SBF2: variants seen among roughly 807,000 people sequenced by gnomAD.
The protein encoded by SBF2 is myotubularin-related protein 13.
Under a neutral mutation model 225.2 loss-of-function variants are expected in SBF2, and 112 were observed. The ratio of observed to expected loss-of-function variants is 0.50; its 90% CI spans 0.43 to 0.58. The LOEUF (loss-of-function observed/expected upper bound fraction) is 0.58, where lower values mean the gene tolerates loss of function less well. Ranked by LOEUF, SBF2 falls within the 20% of genes least tolerant of loss-of-function variation. The pLI, the probability that SBF2 is intolerant of heterozygous loss-of-function variation, is 0.00. For synonymous variants in SBF2, 763 were observed against 773.3 expected, an observed-to-expected ratio of 0.99 and a Z score of 0.22; for missense variants, 1,996 against 2,206.2, an observed-to-expected ratio of 0.90 and a Z score of 1.91.
At chr11:10,225,259 G>T (rs1958494906) in intron 1 of SBF2, among the ~76,000 whole-genome samples, 1 of 151,532 alleles carries the variant, frequency 6.6e-6, no homozygotes, top group Non-Finnish European at 1.5e-5. Flanking sequence ...ACCAATTTGA[G>T]AATATTATTG....
chr11:10,011,985 T>C (rs1367613716), intron 6 of SBF2, among the ~76,000 whole-genome samples: 4 of 152,230 alleles, frequency 2.6e-5, no homozygotes. Context: ...ACCTAAAAGG[T>C]ATTATTGTCT....
At chr11:10,214,560 T>C (rs893309420) in intron 1 of SBF2, among the ~76,000 whole-genome samples, 1 of 151,944 alleles carries the variant, frequency 6.6e-6, no homozygotes, top group Non-Finnish European at 1.5e-5. Flanking sequence ...GAGGCGGAGG[T>C]TGCAGTGAGC....
chr11:10,003,890 C>T (rs1204157238), intron 6 of SBF2, among the ~76,000 whole-genome samples: 1 of 152,072 alleles, frequency 6.6e-6, no homozygotes, highest in Non-Finnish European at 1.5e-5. Flanking sequence ...TATATCACTT[C>T]AACTTTAATC....
intron 2 of SBF2, among the ~76,000 whole-genome samples, chr11:10,113,952 T>C (rs1953004704): frequency 6.6e-6 from 1 of 152,194 alleles, no homozygotes; most frequent in Non-Finnish European, 1.5e-5. Context: ...GCTATTATAA[T>C]TTTAAAAATC....
intron 1 of SBF2, among the ~76,000 whole-genome samples, chr11:10,253,419 GTCT>G (rs1960562039): frequency 1.3e-5 from 2 of 152,104 alleles, no homozygotes; most frequent in Admixed American, 6.6e-5. Flanking sequence ...AGTAAACCCT[GTCT>G]GCACATTAGT....
intron 1 of SBF2, among the ~76,000 whole-genome samples, chr11:10,196,394 T>C (rs1035806416): frequency 6.6e-6 from 1 of 152,152 alleles, no homozygotes; most frequent in Non-Finnish European, 1.5e-5. Flanking sequence ...TATTAATTAT[T>C]TTTTGGACAG....
At chr11:10,148,820 C>T (rs1418320092) in intron 2 of SBF2, among the ~76,000 whole-genome samples, 4 of 152,046 alleles carry the variant, frequency 2.6e-5, no homozygotes, top group African/African-American at 7.2e-5. Context: ...GATGTATGAA[C>T]ATTGTGAAGG....
intron 2 of SBF2, among the ~76,000 whole-genome samples, chr11:10,152,549 CAA>C (rs879643809): frequency 7.2e-6 from 1 of 139,394 alleles, no homozygotes; most frequent in Admixed American, 7.2e-5. Context: ...AACTCCATCT[CAA>C]AAAAAAAAAG....
At chr11:10,292,472 G>C (rs1390374191) in intron 1 of SBF2, among the ~76,000 whole-genome samples, 1 of 152,094 alleles carries the variant, frequency 6.6e-6, no homozygotes, top group Non-Finnish European at 1.5e-5. Context: ...ACGAGATCAG[G>C]AGTTCAAGAC....
intron 2 of SBF2, among the ~76,000 whole-genome samples, chr11:10,058,088 T>G (rs986312394): frequency 6.6e-5 from 10 of 152,134 alleles, no homozygotes. Context: ...CTCTGTTAAC[T>G]CCAATGGTCC....
chr11:9,885,922 A>G (rs952235395), intron 17 of SBF2, among the ~76,000 whole-genome samples: 6 of 152,094 alleles, frequency 3.9e-5, no homozygotes, highest in Non-Finnish European at 5.9e-5. Flanking sequence ...TTTCTAGGAG[A>G]TGGGATGCGT....
At chr11:10,230,455 T>C (rs1303301814) in intron 1 of SBF2, among the ~76,000 whole-genome samples, 2 of 152,236 alleles carry the variant, frequency 1.3e-5, no homozygotes, top group Non-Finnish European at 2.9e-5. Flanking sequence ...GTACCGGTTG[T>C]TCCTTTCCAT....
intron 6 of SBF2, among the ~76,000 whole-genome samples, chr11:10,003,477 C>G (rs1330584738): frequency 6.6e-6 from 1 of 151,876 alleles, no homozygotes; most frequent in Non-Finnish European, 1.5e-5. Flanking sequence ...ATGACATTCT[C>G]CTGCCTCAGC....
At chr11:9,828,043 A>G (rs572184321) in intron 28 of SBF2, 1 of 766,688 alleles carries the variant, frequency 1.3e-6, no homozygotes, top group East Asian at 6.7e-5. Context: ...TAATTAATTG[A>G]TTTAAAATAT....
chr11:9,967,967 CTCTCTATATA>C (rs1192132936), intron 14 of SBF2, among the ~76,000 whole-genome samples: 66 of 90,692 alleles, frequency 7.3e-4, no homozygotes, highest in African/African-American at 2.2e-3. Context: ...CTCTCTCTCT[CTCTCTATATA>C]TATATATATA....
intron 27 of SBF2, among the ~76,000 whole-genome samples, chr11:9,831,665 G>A (rs775647559): frequency 2.6e-5 from 4 of 152,144 alleles, no homozygotes; most frequent in Non-Finnish European, 5.9e-5. Flanking sequence ...CTCAGACATG[G>A]TACTCACAAG....
At position 10,273,537 on chromosome 11, in the gene SBF2, T is replaced by C. The variant is rs564405822; in HGVS notation, c.55+20478A>G. ...GCTTATTTAGCTGTGCTTTGATTTG[T>C]GTATGAATGTTATGACCATGTTTCT... On this transcript the variant is annotated intron_variant, in intron 1 of 39. Transcript: ENST00000256190. 3.3e-5 allele frequency among the ~76,000 whole-genome samples: 5 copies of C among 152,358 alleles called. No individual in the cohort carries two copies. In the East Asian group the frequency reaches 7.7e-4, roughly 23 times the overall value.
At chr11:9,807,852 C>G (rs775505656) in intron 32 of SBF2, 148 bp downstream of exon 32, 4 of 768,470 alleles carry the variant, frequency 5.2e-6, no homozygotes, top group Non-Finnish European at 8.9e-6. Context: ...TCCTAGGAGT[C>G]TACTGCTAAG....
intron 16 of SBF2, among the ~76,000 whole-genome samples, chr11:9,903,688 T>G (rs1208824488): frequency 6.6e-6 from 1 of 152,166 alleles, no homozygotes; most frequent in East Asian, 1.9e-4. Flanking sequence ...TCCTAGGACT[T>G]TATTTATACG....
Sources: gnomAD v4.1 joint callset for allele counts (sites outside exome capture counted in the v4.1 genomes callset) on GRCh38, gnomAD v4.1.1 for gene constraint, MANE v1.5 for transcripts, NCBI Gene and HGNC (gene_info 2026-07-23, HGNC 2026-07-21) for gene names.